KCNMA1: variants seen among roughly 807,000 people sequenced by gnomAD.
KCNMA1 encodes the protein potassium calcium-activated channel subfamily M alpha 1, also known as Calcium-activated potassium channel subunit alpha-1.
Under a neutral mutation model 140.0 loss-of-function variants are expected in KCNMA1, and 29 were observed. The ratio of observed to expected loss-of-function variants is 0.21; its 90% CI spans 0.15 to 0.28. KCNMA1 has a LOEUF of 0.28. Among genes scored for constraint, KCNMA1 ranks in the 10% least tolerant of loss-of-function variants. KCNMA1 has a pLI of 1.00. For synonymous variants in KCNMA1, 612 were observed against 611.9 expected (o/e 1.00, Z 0.00); for missense variants, 880 against 1,602.2 (o/e 0.55, Z 7.70).
At chr10:77,107,266 A>G (rs2153837884) in intron 9 of KCNMA1, among the ~76,000 whole-genome samples, 1 of 152,364 alleles carries the variant, frequency 6.6e-6, no homozygotes, top group Non-Finnish European at 1.5e-5. Context: ...AAACAAAACA[A>G]AACAGTTCCA....
At chr10:77,240,658 C>A (rs1033788236) in intron 3 of KCNMA1, among the ~76,000 whole-genome samples, 10 of 152,142 alleles carry the variant, frequency 6.6e-5, no homozygotes, top group Non-Finnish European at 1.3e-4. Context: ...ACATAAAATG[C>A]AGTATTCTGT....
At chr10:76,941,598 T>A (rs1440295532) in intron 23 of KCNMA1, among the ~76,000 whole-genome samples, 2 of 152,034 alleles carry the variant, frequency 1.3e-5, no homozygotes, top group Non-Finnish European at 2.9e-5. Flanking sequence ...GGACATAAAG[T>A]CTTGGTGGGC....
rs2096363617 is a variant in KCNMA1 at position 77,403,710 on chromosome 10, T to C, written c.540+152A>G. ...TGTACACAAGGAACCGAGCCTCTCC[T>C]CCATGACCACGCGGGAGCACTTGCT... On this transcript the variant is annotated intron_variant, in intron 2 of 27. Coordinates refer to ENST00000286628, the MANE Select transcript of KCNMA1 (RefSeq NM_001161352.2). 4.3e-6 allele frequency: 3 copies of C among 693,484 alleles called. No homozygotes were observed. In the African/African-American group the frequency reaches 5.4e-5, roughly 12 times the overall value. 43.0% of individuals were successfully genotyped at this position (693,484 alleles called of 1,614,324 possible). A position where few individuals can be genotyped will look rare whatever the true frequency, so the allele number is the denominator to read the frequency against.
intron 5 of KCNMA1, among the ~76,000 whole-genome samples, chr10:77,135,014 A>AAAAAAAAAAAAAAAAAAAAAAAAG (rs1233930540): frequency 1.4e-5 from 2 of 143,752 alleles, no homozygotes; most frequent in Non-Finnish European, 1.5e-5. Flanking sequence ...AAAAAAAAAA[A>AAAAAAAAAAAAAAAAAAAAAAAAG]AAAAAAAAAA....
intron 1 of KCNMA1, among the ~76,000 whole-genome samples, chr10:77,473,991 C>T (rs1002976729): frequency 6.6e-6 from 1 of 152,160 alleles, no homozygotes; most frequent in Admixed American, 6.5e-5. Context: ...CACCCAGGGC[C>T]GGTCCTTAGA....
chr10:76,999,284 G>A (rs1459158337), intron 19 of KCNMA1, among the ~76,000 whole-genome samples: 1 of 152,230 alleles, frequency 6.6e-6, no homozygotes, highest in Non-Finnish European at 1.5e-5. Context: ...GACACAGAGT[G>A]TGCTGTGATT....
intron 6 of KCNMA1, among the ~76,000 whole-genome samples, chr10:77,114,306 G>C (rs939283713): frequency 6.6e-6 from 1 of 152,200 alleles, no homozygotes; most frequent in African/African-American, 2.4e-5. Flanking sequence ...GAGCATAGCA[G>C]ACCCGTGACT....
At chr10:76,990,822 A>G (rs1267658436) in intron 19 of KCNMA1, among the ~76,000 whole-genome samples, 3 of 152,214 alleles carry the variant, frequency 2.0e-5, no homozygotes, top group Non-Finnish European at 4.4e-5. Flanking sequence ...TGCAGAGAGC[A>G]TTTCAGAACC....
At chr10:77,471,375 TACC>T (rs1215598564) in intron 1 of KCNMA1, among the ~76,000 whole-genome samples, 1 of 143,064 alleles carries the variant, frequency 7.0e-6, no homozygotes, top group Non-Finnish European at 1.5e-5. Context: ...ACACACTACT[TACC>T]ACACACACCA....
chr10:76,935,883 A>T (rs35330858), intron 23 of KCNMA1, among the ~76,000 whole-genome samples: 8,973 of 152,258 alleles, frequency 0.059, 517 homozygotes, highest in African/African-American at 0.14. Context: ...TCTTCTGCAC[A>T]TCCACTCTCC....
chr10:77,504,418 A>G (rs1416970749), intron 1 of KCNMA1, among the ~76,000 whole-genome samples: 1 of 152,168 alleles, frequency 6.6e-6, no homozygotes, highest in African/African-American at 2.4e-5. Flanking sequence ...GAACCGAGCA[A>G]CCGAGAGGGG....
chr10:77,425,440 T>C (rs2096962847), intron 1 of KCNMA1, among the ~76,000 whole-genome samples: 1 of 152,172 alleles, frequency 6.6e-6, no homozygotes, highest in Non-Finnish European at 1.5e-5. Context: ...TTCATGTTTG[T>C]CCACAGTGCT....
In KCNMA1 at chr10:77,114,365, T is replaced by C. The variant is rs570118574; in HGVS notation, c.885-1923A>G. Among the ~76,000 whole-genome samples, 4 of 152,258 alleles carry C rather than the reference T, an allele frequency of 2.6e-5. No homozygotes were observed. In the South Asian group the frequency reaches 8.3e-4, roughly 32 times the overall value. The stretch of plus-strand genomic sequence containing the variant: ...GCCCCTGCTCTCTTTCTAAACTGCA[T>C]CCTGTTCAGTCCCACTGGGGTATAC... On this transcript the variant is annotated intron_variant, in intron 6 of 27. Coordinates refer to ENST00000286628, the MANE Select transcript of KCNMA1 (RefSeq NM_001161352.2).
At chr10:76,972,404 T>G (rs2076333541) in intron 19 of KCNMA1, among the ~76,000 whole-genome samples, 1 of 152,214 alleles carries the variant, frequency 6.6e-6, no homozygotes, top group African/African-American at 2.4e-5. Context: ...CTCCCTAGCA[T>G]GCCTGTGGGA....
intron 3 of KCNMA1, among the ~76,000 whole-genome samples, chr10:77,230,663 G>A (rs2053271501): frequency 6.6e-6 from 1 of 152,128 alleles, no homozygotes. Context: ...TCACACTGGG[G>A]CTCTGGAGGA....
At chr10:77,606,972 G>A (rs1248484545) in intron 1 of KCNMA1, among the ~76,000 whole-genome samples, 1 of 152,160 alleles carries the variant, frequency 6.6e-6, no homozygotes, top group Non-Finnish European at 1.5e-5. Context: ...GACTCAGTTT[G>A]CCTCCAATAA....
intron 23 of KCNMA1, among the ~76,000 whole-genome samples, chr10:76,928,027 C>T (rs2058202482): frequency 6.6e-6 from 1 of 152,078 alleles, no homozygotes. Context: ...TCACTACCCA[C>T]ATTAAGACCC....
chr10:77,287,497 G>T (rs1432167378), intron 2 of KCNMA1, among the ~76,000 whole-genome samples: 1 of 152,320 alleles, frequency 6.6e-6, no homozygotes, highest in South Asian at 2.1e-4. Context: ...GCCAATTTGG[G>T]ATCCTAAATT....
intron 3 of KCNMA1, among the ~76,000 whole-genome samples, chr10:77,220,798 C>A (rs996064275): frequency 7.2e-5 from 11 of 152,176 alleles, no homozygotes; most frequent in African/African-American, 2.4e-4. Flanking sequence ...AAGTGACATC[C>A]AACTGTTGGG....
Sources: gnomAD v4.1 joint callset for allele counts (sites outside exome capture counted in the v4.1 genomes callset) on GRCh38, gnomAD v4.1.1 for gene constraint, MANE v1.5 for transcripts, NCBI Gene and HGNC (gene_info 2026-07-23, HGNC 2026-07-21) for gene names.